DUSP10: variants seen among roughly 807,000 people sequenced by gnomAD.
DUSP10 encodes dual specificity protein phosphatase 10.
DUSP10 carries 14 observed loss-of-function variants against 30.8 expected under a neutral mutation model. The observed-to-expected ratio is 0.46, with a 90% CI of 0.30 to 0.71. DUSP10 has a LOEUF of 0.71. DUSP10 is among the 30% of genes least tolerant of loss of function. The pLI is 0.08. For missense variants in DUSP10, 550 were observed against 619.4 expected, an observed-to-expected ratio of 0.89 and a Z score of 1.19; for synonymous variants, 254 against 250.4, an observed-to-expected ratio of 1.01 and a Z score of -0.14.
chr1:221,740,882 C>T (rs911292140), intron 1 of DUSP10, among the ~76,000 whole-genome samples: 1 of 152,226 alleles, frequency 6.6e-6, no homozygotes, highest in African/African-American at 2.4e-5. Context: ...GGGCACTCTA[C>T]AACTCAGGCT....
intron 2 of DUSP10, chr1:221,737,388 A>G (rs1377398056): frequency 2.0e-6 from 2 of 985,326 alleles, no homozygotes; most frequent in Non-Finnish European, 2.4e-6. Flanking sequence ...GTAAGAGGCT[A>G]GACACATCAA....
Position 221,714,063 on chromosome 1 carries a change from G to GA in DUSP10, c.812-7598dup, listed in dbSNP as rs138633178. Reference sequence around the variant, plus strand: ...AGTAGTATTTAGTAATGTTTTAAGAGAAAAAAAAATTCTGAAAAGTTGATA... The same window carrying GA: ...AGTAGTATTTAGTAATGTTTTAAGAGAAAAAAAAAATTCTGAAAAGTTGATA... On this transcript the variant is annotated intron_variant, in intron 2 of 3. Coordinates refer to ENST00000366899, the MANE Select transcript of DUSP10 (RefSeq NM_007207.6). 4.0e-3 allele frequency among the ~76,000 whole-genome samples: 601 copies of GA among 151,458 alleles called. 13 individuals carry two copies. In the East Asian group the frequency reaches 0.057, roughly 14 times the overall value.
At chr1:221,730,051 T>C (rs1661537334) in intron 2 of DUSP10, among the ~76,000 whole-genome samples, 1 of 152,128 alleles carries the variant, frequency 6.6e-6, no homozygotes, top group Non-Finnish European at 1.5e-5. Context: ...AACCCTCATG[T>C]TATTCTTTTC....
intron 1 of DUSP10, among the ~76,000 whole-genome samples, chr1:221,741,321 C>T (rs138503059): frequency 3.3e-5 from 5 of 152,326 alleles, no homozygotes; most frequent in Non-Finnish European, 7.3e-5. Context: ...AGGACACGTC[C>T]AGGATCAACA....
intron 2 of DUSP10, among the ~76,000 whole-genome samples, chr1:221,736,533 A>G (rs570501075): frequency 1.3e-5 from 2 of 152,234 alleles, no homozygotes; most frequent in Non-Finnish European, 2.9e-5. Flanking sequence ...GACCCACTCA[A>G]GAATCTGAGA....
At position 221,739,562 on chromosome 1, in the gene DUSP10, C is replaced by CAT. The variant is rs1487889801; in HGVS notation, c.181_182dup (p.Met61IlefsTer12). 3.1e-6 allele frequency: 5 copies of CAT among 1,614,144 alleles called. No individual in the cohort carries two copies. The Admixed American group carries it at 8.3e-5, about 27-fold the overall frequency. ...AGCGGGCAGAGCCGCTGGATGAGGG[C>CAT]ATATACGTCAGATTCGCAGCCTTGA... On this transcript the variant is annotated frameshift_variant, in exon 2 of 4. Coordinates refer to ENST00000366899, the MANE Select transcript of DUSP10 (RefSeq NM_007207.6). LOFTEE classifies it high-confidence loss of function.
Position 221,733,628 on chromosome 1 carries a change from G to T in DUSP10, c.811+5306C>A, listed in dbSNP as rs117683802. On this transcript the variant is annotated intron_variant, in intron 2 of 3. Transcript: ENST00000366899. ...GAGAGTAGGAGAGCAGGGTCCAGAGGCTTGATTTATTGACAGCCATCAAAT... is the reference window on the plus strand; with the variant it reads ...GAGAGTAGGAGAGCAGGGTCCAGAGTCTTGATTTATTGACAGCCATCAAAT... 5.2e-3 allele frequency among the ~76,000 whole-genome samples: 798 copies of T among 152,326 alleles called. 14 individuals are homozygous for T. In the East Asian group the frequency reaches 0.061, roughly 12 times the overall value.
chr1:221,716,173 G>A (rs1661099763), intron 2 of DUSP10, among the ~76,000 whole-genome samples: 1 of 152,170 alleles, frequency 6.6e-6, no homozygotes, highest in South Asian at 2.1e-4. Context: ...AATTTCAAAC[G>A]AATCCACAGA....
intron 2 of DUSP10, among the ~76,000 whole-genome samples, chr1:221,710,942 A>C (rs1660917552): frequency 6.6e-6 from 1 of 152,148 alleles, no homozygotes; most frequent in South Asian, 2.1e-4. Context: ...AGGGTGAGGC[A>C]AGGCGGGGTG....
intron 2 of DUSP10, among the ~76,000 whole-genome samples, chr1:221,709,078 T>A (rs1034603012): frequency 6.6e-6 from 1 of 151,544 alleles, no homozygotes; most frequent in Non-Finnish European, 1.5e-5. Context: ...TTTTTAAAAT[T>A]CTGCCTCTAC....
Position 221,706,418 on chromosome 1 carries a change from G to T in DUSP10, c.860C>A (p.Ser287Tyr). 1 of 1,546,038 alleles carries T rather than the reference G, an allele frequency of 6.5e-7. No homozygotes were observed. The highest frequency in any genetic ancestry group is 8.7e-7 in the Non-Finnish European group (1 of 1,146,338). ...CTCCCGGCACTCTTGGAGCTGGAGGGAGTTGTCACAGAGGTTTTCATGGTT... is the reference window on the plus strand; with the variant it reads ...CTCCCGGCACTCTTGGAGCTGGAGGTAGTTGTCACAGAGGTTTTCATGGTT... ...KQNHENLCDN[S>Y]LQLQECREVG... Residue 287 changes from serine to tyrosine, a missense_variant, in exon 3 of 4, where the codon TCC (serine) becomes TAC (tyrosine). Ser to Tyr is a moderately radical substitution (Grantham distance 144). Transcript: ENST00000366899. This position sits in a 1 kb window ranked among gnomAD's most constrained non-coding sequence, Gnocchi z 4.6.
chr1:221,739,724 G>A lies in DUSP10; in HGVS notation c.21C>T (p.Asp7=), dbSNP rs546322180. The A allele has an allele frequency of 9.4e-6, 15 of 1,600,130 alleles. No individual in the cohort carries two copies. The highest frequency in any genetic ancestry group is 1.7e-4 in the Middle Eastern group (1 of 6,006). The change falls in exon 2 of 4, where the codon GAC becomes GAT. Residue 7 remains aspartate (D), a synonymous_variant. Transcript: ENST00000366899. ...TAGATAGTGCCACTACTACCCTGTC[G>A]TCTAAAGGAGACGGAGGCATGAGGA... is the stretch of plus-strand genomic sequence containing the variant. MPPSPL[D]DRVVVALSRP...
intron 2 of DUSP10, among the ~76,000 whole-genome samples, chr1:221,707,665 T>TTA (rs1165594933): frequency 2.6e-5 from 4 of 152,160 alleles, no homozygotes; most frequent in Non-Finnish European, 5.9e-5. Flanking sequence ...GTTATCTGTT[T>TTA]TATATATATT....
chr1:221,710,295 A>C (rs933187488), intron 2 of DUSP10, among the ~76,000 whole-genome samples: 1 of 152,130 alleles, frequency 6.6e-6, no homozygotes, highest in African/African-American at 2.4e-5. Context: ...TTGAGGCTGG[A>C]CTTCTTGGGT....
chr1:221,727,474 A>T (rs1443282782), intron 2 of DUSP10, among the ~76,000 whole-genome samples: 1 of 152,242 alleles, frequency 6.6e-6, no homozygotes, highest in African/African-American at 2.4e-5. Flanking sequence ...TATGTCTGTA[A>T]AATGGGATGG....
intron 2 of DUSP10, among the ~76,000 whole-genome samples, chr1:221,717,852 G>C (rs1661154433): frequency 6.6e-6 from 1 of 152,098 alleles, no homozygotes; most frequent in Non-Finnish European, 1.5e-5. Context: ...AGAACTATAA[G>C]AAAATAACTT....
chr1:221,739,860 G>A (rs1189183127), intron 1 of DUSP10, 73 bp from the exon 2 acceptor site: 1 of 1,420,084 alleles, frequency 7.0e-7, no homozygotes, highest in African/African-American at 1.4e-5. Context: ...CCAATCCCTG[G>A]GAAAGACCTT....
Position 221,739,520 on chromosome 1 carries a change from G to C in DUSP10, c.225C>G (p.Cys75Trp). 1 of 1,614,220 alleles carries C rather than the reference G, an allele frequency of 6.2e-7. No homozygotes were observed. The highest frequency in any genetic ancestry group is 8.5e-7 in the Non-Finnish European group (1 of 1,180,038). The change falls in exon 2 of 4, where the codon TGC becomes TGG. Residue 75 changes from cysteine to tryptophan, a missense_variant. Physicochemically the swap from Cys to Trp is radical, Grantham distance 215. Coordinates refer to ENST00000366899, the MANE Select transcript of DUSP10 (RefSeq NM_007207.6). The part of the protein sequence containing the change: ...SGSARSLNCG[C>W]SSASCCTVAT... ...CCACAGTGCAGCAGCTGGCACTGCTGCATCCACAATTCAGCGAGCGGGCAG... is the reference window on the plus strand; with the variant it reads ...CCACAGTGCAGCAGCTGGCACTGCTCCATCCACAATTCAGCGAGCGGGCAG...
chr1:221,734,302 C>T (rs1050911489), intron 2 of DUSP10, among the ~76,000 whole-genome samples: 2 of 152,236 alleles, frequency 1.3e-5, no homozygotes, highest in Non-Finnish European at 2.9e-5. Flanking sequence ...CTCCAGCCTC[C>T]TGGCCCAATA....
Sources: allele counts gnomAD v4.1 joint callset (sites outside exome capture counted in the v4.1 genomes callset), GRCh38; gene constraint gnomAD v4.1.1; non-coding constraint Gnocchi (gnomAD v3.1); transcripts MANE v1.5; gene names NCBI Gene and HGNC (gene_info 2026-07-23, HGNC 2026-07-21).